NKAIN2: variants seen among roughly 807,000 people sequenced by gnomAD.
NKAIN2 encodes sodium/potassium-transporting ATPase subunit beta-1-interacting protein 2.
NKAIN2 carries 14 observed loss-of-function variants against 32.6 expected under a neutral mutation model. The ratio of observed to expected loss-of-function variants is 0.43; its 90% confidence interval spans 0.28 to 0.67. The LOEUF (loss-of-function observed/expected upper bound fraction) is 0.67. Ranked by LOEUF, NKAIN2 falls within the 30% of genes least tolerant of loss-of-function variation. The probability of loss-of-function intolerance (pLI) is 0.17; values close to 1 mark genes in which losing one functional copy is unlikely to be tolerated. For synonymous variants in NKAIN2, 80 were observed against 87.2 expected, an observed-to-expected ratio of 0.92 and a Z score of 0.46; for missense variants, 198 against 258.3, an observed-to-expected ratio of 0.77 and a Z score of 1.60.
intron 1 of NKAIN2, among the ~76,000 whole-genome samples, chr6:123,881,025 T>C (rs1307679644): frequency 6.6e-6 from 1 of 152,084 alleles, no homozygotes; most frequent in Non-Finnish European, 1.5e-5. Flanking sequence ...GAACCACAAA[T>C]GGTGTACTGA....
intron 5 of NKAIN2, chr6:124,794,786 A>C (rs1779928577): frequency 1.9e-6 from 1 of 529,466 alleles, no homozygotes; most frequent in South Asian, 8.0e-5. Context: ...TCTTTTGGTT[A>C]CAATGCTTTG....
At chr6:124,714,569 T>C (rs1013068310) in intron 4 of NKAIN2, among the ~76,000 whole-genome samples, 9 of 152,158 alleles carry the variant, frequency 5.9e-5, no homozygotes, top group Non-Finnish European at 1.5e-5. Context: ...GAGTCCTACT[T>C]ATTACGGGCT....
At chr6:123,961,736 AC>A (rs1248782062) in intron 1 of NKAIN2, among the ~76,000 whole-genome samples, 1 of 152,100 alleles carries the variant, frequency 6.6e-6, no homozygotes, top group Non-Finnish European at 1.5e-5. Context: ...CATTTTTAAC[AC>A]CTGGGAATGA....
intron 3 of NKAIN2, among the ~76,000 whole-genome samples, chr6:124,463,917 C>T (rs1328402173): frequency 6.6e-6 from 1 of 151,974 alleles, no homozygotes; most frequent in Non-Finnish European, 1.5e-5. Flanking sequence ...GTCTATTTAG[C>T]TATTTGTAAC....
chr6:124,683,608 C>T (rs1773722697), intron 4 of NKAIN2, among the ~76,000 whole-genome samples: 1 of 152,114 alleles, frequency 6.6e-6, no homozygotes, highest in African/African-American at 2.4e-5. Flanking sequence ...TTTCATCAGC[C>T]TCCAGGGTGC....
chr6:124,463,944 G>T (rs991877330), intron 3 of NKAIN2, among the ~76,000 whole-genome samples: 1 of 151,984 alleles, frequency 6.6e-6, no homozygotes, highest in Admixed American at 6.6e-5. Context: ...AGATAGTAAG[G>T]TTGGTGCAGG....
At chr6:124,084,545 C>A (rs1197284903) in intron 1 of NKAIN2, among the ~76,000 whole-genome samples, 1 of 151,928 alleles carries the variant, frequency 6.6e-6, no homozygotes, top group African/African-American at 2.4e-5. Context: ...TTTATCAACA[C>A]AGGAATTGAA....
chr6:124,066,035 G>T (rs1783156706), intron 1 of NKAIN2, among the ~76,000 whole-genome samples: 1 of 152,140 alleles, frequency 6.6e-6, no homozygotes, highest in Non-Finnish European at 1.5e-5. Flanking sequence ...AGTCAAGCTA[G>T]AGATGGCTTA....
At chr6:123,971,487 C>T (rs1428998093) in intron 1 of NKAIN2, among the ~76,000 whole-genome samples, 2 of 152,110 alleles carry the variant, frequency 1.3e-5, no homozygotes, top group Non-Finnish European at 2.9e-5. Context: ...ACATTCTCTG[C>T]TTTGTAGTCA....
At chr6:124,724,499 C>T (rs1419388433) in intron 4 of NKAIN2, among the ~76,000 whole-genome samples, 2 of 152,220 alleles carry the variant, frequency 1.3e-5, no homozygotes, top group African/African-American at 2.4e-5. Flanking sequence ...GCCTTCATTG[C>T]TTCTTCCCTT....
chr6:124,547,314 A>C (rs1012665622), intron 3 of NKAIN2, among the ~76,000 whole-genome samples: 5 of 152,204 alleles, frequency 3.3e-5, no homozygotes, highest in Admixed American at 2.0e-4. Flanking sequence ...TTGATTTATT[A>C]GCAGTTCAAG....
intron 1 of NKAIN2, among the ~76,000 whole-genome samples, chr6:124,105,431 G>T (rs1785074940): frequency 6.6e-6 from 1 of 152,096 alleles, no homozygotes; most frequent in African/African-American, 2.4e-5. Context: ...AGCCCTGCAG[G>T]AACAAGGGCC....
intron 3 of NKAIN2, among the ~76,000 whole-genome samples, chr6:124,446,244 G>A (rs964607171): frequency 6.6e-6 from 1 of 152,032 alleles, no homozygotes; most frequent in Non-Finnish European, 1.5e-5. Flanking sequence ...TATTTCTATT[G>A]GTCATGCTAG....
chr6:124,154,697 T>G (rs1024160666), intron 1 of NKAIN2, among the ~76,000 whole-genome samples: 23 of 152,154 alleles, frequency 1.5e-4, no homozygotes, highest in African/African-American at 5.3e-4. Context: ...AAATGTTTCT[T>G]GAGTATACGG....
chr6:124,803,753 C>T (rs1298261814), intron 5 of NKAIN2, among the ~76,000 whole-genome samples: 8 of 152,134 alleles, frequency 5.3e-5, no homozygotes, highest in Admixed American at 2.0e-4. Flanking sequence ...ATACAAAGTT[C>T]TCTCTTTTGA....
At chr6:124,706,444 T>A (rs1775069222) in intron 4 of NKAIN2, among the ~76,000 whole-genome samples, 1 of 152,108 alleles carries the variant, frequency 6.6e-6, no homozygotes, top group Admixed American at 6.6e-5. Flanking sequence ...TCCTTCTGGC[T>A]GAAATATGAT....
chr6:123,901,435 T>G (rs6928376), intron 1 of NKAIN2, among the ~76,000 whole-genome samples: 44,023 of 152,060 alleles, frequency 0.29, 7,719 homozygotes, highest in East Asian at 0.5. Flanking sequence ...GTTTTTGAAA[T>G]ATTTCATAAA....
Position 124,181,314 on chromosome 6 carries a change from T to C in NKAIN2, c.55-101691T>C, listed in dbSNP as rs1048586356. Reference sequence around the variant, plus strand: ...TCCTCCTAGGCCTCTGGGTCTATAATGGGAGGGGATTCCATGAAGACCTAT... The same window carrying C: ...TCCTCCTAGGCCTCTGGGTCTATAACGGGAGGGGATTCCATGAAGACCTAT... On this transcript the variant is annotated intron_variant, in intron 1 of 6. Coordinates refer to ENST00000368417, the MANE Select transcript of NKAIN2 (RefSeq NM_001040214.3). 2.6e-5 allele frequency among the ~76,000 whole-genome samples: 4 copies of C among 152,122 alleles called. No individual in the cohort carries two copies. In the South Asian group the frequency reaches 8.3e-4, roughly 32 times the overall value.
chr6:124,037,686 TA>T (rs1435930522), intron 1 of NKAIN2, among the ~76,000 whole-genome samples: 1 of 152,150 alleles, frequency 6.6e-6, no homozygotes, highest in Non-Finnish European at 1.5e-5. Context: ...CATGTTATAA[TA>T]ACATTTGTCC....
Sources: gnomAD v4.1 joint callset for allele counts (sites outside exome capture counted in the v4.1 genomes callset) on GRCh38, gnomAD v4.1.1 for gene constraint, MANE v1.5 for transcripts, NCBI Gene and HGNC (gene_info 2026-07-23, HGNC 2026-07-21) for gene names.